Variants in OCA2 observed in about 807,000 individuals in gnomAD.
OCA2 encodes the protein OCA2 melanosomal transmembrane protein.
Under a neutral mutation model 100.2 loss-of-function variants are expected in OCA2, and 77 were observed. That is an observed-to-expected ratio of 0.77 (90% CI 0.64 to 0.93). OCA2 has a LOEUF of 0.93. Among genes scored for constraint, OCA2 ranks in the 40% least tolerant of loss-of-function variants. The probability of loss-of-function intolerance (pLI) is 0.00; values close to 1 mark genes in which losing one functional copy is unlikely to be tolerated. For synonymous variants in OCA2, 432 were observed against 439.2 expected (o/e 0.98, Z 0.21); for missense variants, 1,062 against 1,089.1 (o/e 0.98, Z 0.35).
chr15:27,808,418 G>A (rs138073991), intron 23 of OCA2, among the ~76,000 whole-genome samples: 276 of 152,304 alleles, frequency 1.8e-3, no homozygotes, highest in African/African-American at 6.1e-3. Flanking sequence ...AGCAAGGACC[G>A]CTGGGAGGCA....
At chr15:27,910,262 A>G (rs1471906813) in intron 19 of OCA2, among the ~76,000 whole-genome samples, 7 of 152,250 alleles carry the variant, frequency 4.6e-5, no homozygotes, top group Non-Finnish European at 1.0e-4. Context: ...ATAACCCAGC[A>G]CAACTCTTGC....
intron 18 of OCA2, among the ~76,000 whole-genome samples, chr15:27,942,775 T>C (rs774793452): frequency 2.0e-4 from 30 of 152,284 alleles, no homozygotes; most frequent in Admixed American, 3.9e-4. Flanking sequence ...GTGAGGATAG[T>C]AAGGAAAGCA....
chr15:27,889,103 A>C (rs1223085617), intron 19 of OCA2, among the ~76,000 whole-genome samples: 1 of 152,212 alleles, frequency 6.6e-6, no homozygotes, highest in African/African-American at 2.4e-5. Flanking sequence ...GAGAAGTTAG[A>C]GGACCCAGAA....
chr15:27,759,165 T>C (rs1305974876), intron 23 of OCA2, among the ~76,000 whole-genome samples: 1 of 152,088 alleles, frequency 6.6e-6, no homozygotes, highest in Non-Finnish European at 1.5e-5. Flanking sequence ...TTTTAATTGA[T>C]AAAAGACATG....
At chr15:28,048,035 A>G (rs2043394749) in intron 2 of OCA2, among the ~76,000 whole-genome samples, 1 of 152,252 alleles carries the variant, frequency 6.6e-6, no homozygotes, top group South Asian at 2.1e-4. Flanking sequence ...ATCCAAAAGA[A>G]CAAAATAGCT....
At chr15:27,797,935 G>C (rs1042005023) in intron 23 of OCA2, among the ~76,000 whole-genome samples, 1 of 152,166 alleles carries the variant, frequency 6.6e-6, no homozygotes, top group East Asian at 1.9e-4. Flanking sequence ...CTGCTGGGAA[G>C]CCAGCCAGGA....
intron 18 of OCA2, among the ~76,000 whole-genome samples, chr15:27,948,899 T>G (rs139048181): frequency 6.6e-6 from 1 of 152,020 alleles, no homozygotes; most frequent in African/African-American, 2.4e-5. Context: ...CACAAAACCA[T>G]AGTGATGGAG....
At chr15:27,845,857 G>C (rs984253350) in intron 22 of OCA2, among the ~76,000 whole-genome samples, 1 of 152,158 alleles carries the variant, frequency 6.6e-6, no homozygotes, top group Admixed American at 6.5e-5. Flanking sequence ...GGTGAACTGT[G>C]CAACACTGCC....
intron 23 of OCA2, among the ~76,000 whole-genome samples, chr15:27,786,741 A>T (rs1429612844): frequency 6.6e-6 from 1 of 152,082 alleles, no homozygotes; most frequent in East Asian, 1.9e-4. Flanking sequence ...GTCATTTGTA[A>T]ATAAAAGCCG....
chr15:27,918,689 C>A lies in OCA2; in HGVS notation c.2079+7438G>T, dbSNP rs374569198. On this transcript the variant is annotated intron_variant, in intron 19 of 23. Coordinates refer to ENST00000354638, the MANE Select transcript of OCA2 (RefSeq NM_000275.3). ...TTTTAATCAACAGAATGAAATTTTA[C>A]AAAATTGTATTCTGACTTATCAATA... Among the ~76,000 whole-genome samples the A allele has an allele frequency of 3.9e-5, 6 of 152,212 alleles. No individual in the cohort carries two copies. The East Asian group carries it at 9.6e-4, about 24-fold the overall frequency.
chr15:27,783,504 C>T lies in OCA2; in HGVS notation c.2433-28032G>A, dbSNP rs142906939. ...TCATGGAAGTGAGGTGTTGATGCAA[C>T]TGATTAACCTGAAATATGAAGAGGG... On this transcript the variant is annotated intron_variant, in intron 23 of 23. Transcript: ENST00000354638. Among the ~76,000 whole-genome samples the T allele has an allele frequency of 4.1e-3, 628 of 152,220 alleles. 3 individuals carry two copies. Among genetic ancestry groups the T allele is most frequent in the African/African-American group, 0.014 (591 of 41,528 alleles).
intron 21 of OCA2, among the ~76,000 whole-genome samples, chr15:27,852,967 T>C (rs1470303622): frequency 3.3e-5 from 3 of 90,476 alleles, no homozygotes; most frequent in African/African-American, 1.3e-4. Context: ...ACTTTTACAC[T>C]GTTGGTGGGA....
rs1225525689 is a variant in OCA2, at chr15:27,957,645, A to G, written c.1727T>C (p.Leu576Pro). ...GTGCTCCAGTGCCAGCACCTTCCCC[A>G]GCAGCAGGCGGCGCACAGCTGTCTC... is the stretch of plus-strand genomic sequence containing the variant. The part of the protein sequence containing the change: ...REETAVRRLL[L>P]GKVLALEHLL... The change falls in exon 16 of 24, where the codon CTG becomes CCG. Residue 576 changes from leucine to proline, a missense_variant. Physicochemically the swap from Leu to Pro is moderately conservative, Grantham distance 98. Transcript: ENST00000354638. This position sits in a 1 kb window ranked among gnomAD's most constrained non-coding sequence, Gnocchi z 4.3. 3 of 1,613,084 alleles carry G rather than the reference A, an allele frequency of 1.9e-6. No homozygotes were observed. Among genetic ancestry groups the G allele is most frequent in the South Asian group, 2.2e-5 (2 of 91,078 alleles).
At chr15:27,880,671 G>A (rs946620343) in intron 19 of OCA2, among the ~76,000 whole-genome samples, 3 of 152,116 alleles carry the variant, frequency 2.0e-5, no homozygotes, top group Admixed American at 6.5e-5. Flanking sequence ...TGTATTGTTG[G>A]TGTATAGGAA....
the OCA2 span, among the ~76,000 whole-genome samples, chr15:27,725,893 G>C: frequency 6.6e-6 from 1 of 152,110 alleles, no homozygotes; most frequent in Admixed American, 6.5e-5. Flanking sequence ...AGCTGGGTGC[G>C]TGGAATGCAC....
At chr15:27,726,068 G>T in the OCA2 span, among the ~76,000 whole-genome samples, 1 of 151,820 alleles carries the variant, frequency 6.6e-6, no homozygotes, top group South Asian at 2.1e-4. Flanking sequence ...AGCCTAAGGC[G>T]GGTGGATCAC....
chr15:28,070,605 G>GC (rs2044225663), intron 2 of OCA2, among the ~76,000 whole-genome samples: 1 of 146,846 alleles, frequency 6.8e-6, no homozygotes, highest in Non-Finnish European at 1.5e-5. Flanking sequence ...CTGCCCGGCC[G>GC]CCCCTACTGG....
chr15:28,040,345 G>A (rs995123691), intron 2 of OCA2, among the ~76,000 whole-genome samples: 2 of 152,174 alleles, frequency 1.3e-5, no homozygotes, highest in African/African-American at 4.8e-5. Context: ...AATTTATGTG[G>A]TGCAGTGAAA....
At chr15:28,009,888 G>A (rs2042194089) in intron 9 of OCA2, among the ~76,000 whole-genome samples, 1 of 152,018 alleles carries the variant, frequency 6.6e-6, no homozygotes, top group South Asian at 2.1e-4. Context: ...GAAGTCTCAG[G>A]GAAATGTAAG....
Sources: allele counts gnomAD v4.1 joint callset (sites outside exome capture counted in the v4.1 genomes callset), GRCh38; gene constraint gnomAD v4.1.1; non-coding constraint Gnocchi (gnomAD v3.1); transcripts MANE v1.5; gene names NCBI Gene and HGNC (gene_info 2026-07-23, HGNC 2026-07-21).